CCSER1: variants seen among roughly 807,000 people sequenced by gnomAD.
CCSER1 encodes coiled-coil serine rich protein 1.
A neutral mutation model predicts 82.0 loss-of-function variants in CCSER1; 41 were observed. That is an observed-to-expected ratio of 0.50 (90% CI 0.39 to 0.65). CCSER1 has a LOEUF of 0.65. Ranked by LOEUF, CCSER1 falls within the 30% of genes least tolerant of loss-of-function variation. The pLI is 0.00. For missense variants in CCSER1, 1,119 were observed against 1,064.2 expected, an observed-to-expected ratio of 1.05 and a Z score of -0.72; for synonymous variants, 414 against 383.9, an observed-to-expected ratio of 1.08 and a Z score of -0.92.
chr4:90,809,311 TACACACACAC>T lies in CCSER1; in HGVS notation c.2011-6430_2011-6421del, dbSNP rs56677479. On this transcript the variant is annotated intron_variant, in intron 7 of 10. Coordinates refer to ENST00000509176, the MANE Select transcript of CCSER1 (RefSeq NM_001145065.2). Reference sequence around the variant, plus strand: ...CCAGCCTTGGTGAAGAGCAAGATCATACACACACACACACACACACACACACACACGCACA... The same window carrying T: ...CCAGCCTTGGTGAAGAGCAAGATCATACACACACACACACACACACGCACA... Among the ~76,000 whole-genome samples, 14 of 148,352 alleles carry T rather than the reference TACACACACAC, an allele frequency of 9.4e-5. 1 individual carries two copies. The highest frequency in any genetic ancestry group is 6.4e-4 in the South Asian group (3 of 4,672).
At chr4:91,159,938 T>G (rs1025418071) in intron 10 of CCSER1, among the ~76,000 whole-genome samples, 1 of 152,096 alleles carries the variant, frequency 6.6e-6, no homozygotes, top group African/African-American at 2.4e-5. Context: ...AGGGTACAAG[T>G]GCACAATGTG....
chr4:90,577,739 C>A (rs1032322626), intron 5 of CCSER1, among the ~76,000 whole-genome samples: 1 of 151,726 alleles, frequency 6.6e-6, no homozygotes, highest in South Asian at 2.1e-4. Context: ...CCTCTGAACC[C>A]CCAAATGCTA....
rs1306108068 is a variant in CCSER1 at position 91,602,514 on chromosome 4, A to ATCTC, written c.*3459_*3462dup. Among the ~76,000 whole-genome samples the ATCTC allele has an allele frequency of 2.0e-5, 3 of 152,062 alleles. No individual in the cohort carries two copies. The highest frequency in any genetic ancestry group is 7.2e-5 in the African/African-American group (3 of 41,458). On this transcript the variant is annotated 3_prime_UTR_variant, in exon 11 of 11. Coordinates refer to ENST00000509176, the MANE Select transcript of CCSER1 (RefSeq NM_001145065.2). ...AACAGTTTGCTGAATGGTTAGGATT[A>ATCTC]TCTCTGCACATCATTCGTCATCATC...
At position 91,160,767 on chromosome 4, in the gene CCSER1, A is replaced by G. The variant is rs182798296; in HGVS notation, c.2217+74773A>G. Among the ~76,000 whole-genome samples, 20 of 151,558 alleles carry G rather than the reference A, an allele frequency of 1.3e-4. No homozygotes were observed. In the East Asian group the frequency reaches 3.7e-3, roughly 28 times the overall value. ...TGTTGTTGTTGTTGTTTTTTTTGTAAATTTGTTTAAGTTCTTTGTAGATTC... is the reference window on the plus strand; with the variant it reads ...TGTTGTTGTTGTTGTTTTTTTTGTAGATTTGTTTAAGTTCTTTGTAGATTC... On this transcript the variant is annotated intron_variant, in intron 10 of 10. Transcript: ENST00000509176.
chr4:91,314,537 A>G (rs567143095), intron 10 of CCSER1, among the ~76,000 whole-genome samples: 4 of 152,136 alleles, frequency 2.6e-5, no homozygotes, highest in Admixed American at 2.0e-4. Flanking sequence ...AAGACAAGGA[A>G]GACTCTCTCT....
In CCSER1 at chr4:90,717,785, G is replaced by GTA. The variant is rs142381987; in HGVS notation, c.1933-6117_1933-6116dup. ...ACATATATAGTGTATATATATGTGT[G>GTA]TATATATATATATGTGTATATATAT... On this transcript the variant is annotated intron_variant, in intron 6 of 10. Transcript: ENST00000509176. Among the ~76,000 whole-genome samples, 999 of 146,636 alleles carry GTA rather than the reference G, an allele frequency of 6.8e-3. 13 individuals are homozygous for GTA. Among genetic ancestry groups the GTA allele is most frequent in the African/African-American group, 0.022 (893 of 39,996 alleles).
intron 10 of CCSER1, among the ~76,000 whole-genome samples, chr4:91,192,950 T>C (rs1320398689): frequency 2.0e-5 from 3 of 152,192 alleles, no homozygotes; most frequent in South Asian, 2.1e-4. Flanking sequence ...TTCCCTCATG[T>C]CAACCTCCCA....
rs1020177844 is a variant in CCSER1, at chr4:90,960,164, C to T, written c.2172+36717C>T. On this transcript the variant is annotated intron_variant, in intron 9 of 10. Coordinates refer to ENST00000509176, the MANE Select transcript of CCSER1 (RefSeq NM_001145065.2). The stretch of plus-strand genomic sequence containing the variant: ...AGAGATAGCCTGTTCACATTGTTTT[C>T]ATTAATCATTCATTTTTTTTAAAAA... Among the ~76,000 whole-genome samples the T allele has an allele frequency of 2.0e-5, 3 of 151,922 alleles. No homozygotes were observed. The East Asian group carries it at 5.8e-4, about 29-fold the overall frequency.
At chr4:90,172,305 C>T (rs186308085) in intron 1 of CCSER1, among the ~76,000 whole-genome samples, 6 of 151,794 alleles carry the variant, frequency 4.0e-5, no homozygotes, top group Admixed American at 2.6e-4. Flanking sequence ...TAAAGATATA[C>T]CCAGAGAAAG....
chr4:91,282,131 T>C (rs1742959663), intron 10 of CCSER1, among the ~76,000 whole-genome samples: 1 of 152,144 alleles, frequency 6.6e-6, no homozygotes, highest in Non-Finnish European at 1.5e-5. Flanking sequence ...GTATAGTGAA[T>C]ATTGTGCTGT....
intron 4 of CCSER1, among the ~76,000 whole-genome samples, chr4:90,446,295 A>G (rs1428169071): frequency 6.6e-6 from 1 of 152,156 alleles, no homozygotes; most frequent in Non-Finnish European, 1.5e-5. Flanking sequence ...AGATAATTGA[A>G]TATTTTATTT....
At chr4:90,804,467 G>T (rs1001859471) in intron 7 of CCSER1, among the ~76,000 whole-genome samples, 5 of 152,108 alleles carry the variant, frequency 3.3e-5, no homozygotes, top group Non-Finnish European at 7.4e-5. Flanking sequence ...TTATTAAATA[G>T]GGAATATTTT....
At chr4:90,164,731 T>C (rs1730133642) in intron 1 of CCSER1, among the ~76,000 whole-genome samples, 1 of 152,142 alleles carries the variant, frequency 6.6e-6, no homozygotes, top group South Asian at 2.1e-4. Flanking sequence ...AGACTTTGTC[T>C]AAAGAGTGTG....
intron 10 of CCSER1, among the ~76,000 whole-genome samples, chr4:91,106,590 C>T (rs1725642077): frequency 1.3e-5 from 2 of 152,134 alleles, no homozygotes; most frequent in Non-Finnish European, 2.9e-5. Context: ...CAAGACATGA[C>T]TATAACTACT....
At chr4:90,793,823 C>A (rs1755608872) in intron 7 of CCSER1, among the ~76,000 whole-genome samples, 1 of 152,178 alleles carries the variant, frequency 6.6e-6, no homozygotes, top group Non-Finnish European at 1.5e-5. Context: ...GCAACTTTGC[C>A]AGAAGCTGTT....
chr4:90,946,758 T>A (rs980344852), intron 9 of CCSER1, among the ~76,000 whole-genome samples: 2 of 152,138 alleles, frequency 1.3e-5, no homozygotes, highest in African/African-American at 4.8e-5. Context: ...TGATTTCAGA[T>A]TTTAACACCC....
At chr4:91,010,796 A>G (rs1738946105) in intron 9 of CCSER1, among the ~76,000 whole-genome samples, 1 of 134,076 alleles carries the variant, frequency 7.5e-6, no homozygotes, top group Admixed American at 7.4e-5. Context: ...TGCTAAATTT[A>G]TCATTCAGAT....
intron 1 of CCSER1, among the ~76,000 whole-genome samples, chr4:90,250,712 A>G (rs1191179190): frequency 6.6e-6 from 1 of 152,032 alleles, no homozygotes; most frequent in Non-Finnish European, 1.5e-5. Flanking sequence ...TTCATATGAA[A>G]TTTAGCAGCA....
chr4:90,317,972 G>A (rs1486986137), intron 3 of CCSER1, among the ~76,000 whole-genome samples: 1 of 152,182 alleles, frequency 6.6e-6, no homozygotes, highest in Non-Finnish European at 1.5e-5. Context: ...TCTAGAGGCG[G>A]AGACTTAGGT....
Sources: allele counts gnomAD v4.1 joint callset (sites outside exome capture counted in the v4.1 genomes callset), GRCh38; gene constraint gnomAD v4.1.1; transcripts MANE v1.5; gene names NCBI Gene and HGNC (gene_info 2026-07-23, HGNC 2026-07-21).